Variants in KCNH1 observed in about 807,000 individuals in gnomAD.
The protein encoded by KCNH1 is potassium voltage-gated channel subfamily H member 1, also known as voltage-gated delayed rectifier potassium channel KCNH1.
In KCNH1, 27 loss-of-function variants were observed where a neutral mutation model predicts 69.2. The ratio of observed to expected loss-of-function variants is 0.39; its 90% CI spans 0.29 to 0.54. KCNH1 has a LOEUF of 0.54. KCNH1 is among the 20% of genes least tolerant of loss of function. The pLI is 0.68. For synonymous variants in KCNH1, 456 were observed against 487.7 expected (o/e 0.93, Z 0.86); for missense variants, 798 against 1,261.6 (o/e 0.63, Z 5.57).
chr1:210,898,189 G>C (rs1686912499), intron 7 of KCNH1, among the ~76,000 whole-genome samples: 1 of 152,152 alleles, frequency 6.6e-6, no homozygotes, highest in Admixed American at 6.5e-5. Flanking sequence ...GTCGTTTGTG[G>C]AGCTGACCTG....
chr1:210,691,354 C>T (rs767822611), intron 10 of KCNH1, among the ~76,000 whole-genome samples: 111 of 152,158 alleles, frequency 7.3e-4, no homozygotes, highest in Non-Finnish European at 1.4e-3. Context: ...ATGTGCCAGG[C>T]GCTGTGTTAA....
chr1:210,712,411 C>A (rs986970709), intron 10 of KCNH1, among the ~76,000 whole-genome samples: 1 of 152,148 alleles, frequency 6.6e-6, no homozygotes, highest in Non-Finnish European at 1.5e-5. Flanking sequence ...TCAGGGCTGG[C>A]AGGGAGAGTG....
intron 10 of KCNH1, among the ~76,000 whole-genome samples, chr1:210,695,460 CACTGTGTTCAAT>C (rs768763716): frequency 1.3e-5 from 2 of 152,202 alleles, no homozygotes; most frequent in Non-Finnish European, 2.9e-5. Flanking sequence ...AGTATATTTA[CACTGTGTTCAAT>C]TTTAGCACCT....
In KCNH1 at chr1:210,788,240, C is replaced by A. The variant is rs567954520; in HGVS notation, c.1915+9268G>T. 1.8e-4 allele frequency among the ~76,000 whole-genome samples: 28 copies of A among 152,270 alleles called. No individual in the cohort carries two copies. The South Asian group carries it at 2.1e-3, about 11-fold the overall frequency. On this transcript the variant is annotated intron_variant, in intron 9 of 10. Transcript: ENST00000271751. ...AATAAGTCTACTGTCCAGAAAACTT[C>A]AGTTAACATTTTGGTATACTTTCCA...
chr1:211,108,142 G>A (rs1053512933), intron 1 of KCNH1, among the ~76,000 whole-genome samples: 2 of 152,174 alleles, frequency 1.3e-5, no homozygotes, highest in Non-Finnish European at 2.9e-5. Flanking sequence ...CCAGCTTAGG[G>A]TATTCTCACT....
At chr1:211,064,451 C>T (rs536897282) in intron 5 of KCNH1, among the ~76,000 whole-genome samples, 5 of 152,174 alleles carry the variant, frequency 3.3e-5, no homozygotes, top group Non-Finnish European at 5.9e-5. Context: ...ATCCCAGCTA[C>T]TTGGGAGGCT....
intron 5 of KCNH1, among the ~76,000 whole-genome samples, chr1:211,024,919 T>A (rs1689658341): frequency 6.6e-6 from 1 of 152,098 alleles, no homozygotes; most frequent in Non-Finnish European, 1.5e-5. Flanking sequence ...GAGTCAACTC[T>A]AAGGTCCTAC....
At chr1:210,917,083 G>C (rs1687348228) in intron 7 of KCNH1, among the ~76,000 whole-genome samples, 1 of 151,812 alleles carries the variant, frequency 6.6e-6, no homozygotes, top group African/African-American at 2.4e-5. Context: ...AAGAAGCAGA[G>C]GTTGCAGTGA....
intron 6 of KCNH1, among the ~76,000 whole-genome samples, chr1:210,977,783 T>C (rs1688641694): frequency 6.6e-6 from 1 of 152,166 alleles, no homozygotes; most frequent in Non-Finnish European, 1.5e-5. Flanking sequence ...ATATTTTTAA[T>C]GGAAACATAA....
At chr1:210,934,146 C>A (rs1357896698) in intron 6 of KCNH1, among the ~76,000 whole-genome samples, 1 of 152,100 alleles carries the variant, frequency 6.6e-6, no homozygotes, top group Non-Finnish European at 1.5e-5. Flanking sequence ...ATGGGTAACT[C>A]CTCAAAAGTA....
rs576628915 is a variant in KCNH1 at position 210,821,354 on chromosome 1, T to C, written c.1463-17188A>G. On this transcript the variant is annotated intron_variant, in intron 7 of 10. Transcript: ENST00000271751. ...AACTTTCAGTTGGTATATTAATATT[T>C]TAAAATTCTCTGTAGAGAATCCACT... 2.0e-5 allele frequency among the ~76,000 whole-genome samples: 3 copies of C among 152,286 alleles called. No individual in the cohort carries two copies. The South Asian group carries it at 6.2e-4, about 32-fold the overall frequency.
At chr1:211,004,225 A>T (rs1031835176) in intron 6 of KCNH1, among the ~76,000 whole-genome samples, 1 of 152,226 alleles carries the variant, frequency 6.6e-6, no homozygotes, top group African/African-American at 2.4e-5. Context: ...TCACCAGCAG[A>T]CTAAATAAAT....
chr1:211,104,650 G>C (rs920555708), intron 2 of KCNH1, among the ~76,000 whole-genome samples: 3 of 152,102 alleles, frequency 2.0e-5, no homozygotes, highest in Non-Finnish European at 4.4e-5. Flanking sequence ...TTTCAATGGG[G>C]CTGGAATGTC....
At chr1:210,993,321 T>C (rs1688968128) in intron 6 of KCNH1, among the ~76,000 whole-genome samples, 2 of 152,222 alleles carry the variant, frequency 1.3e-5, no homozygotes, top group Admixed American at 6.5e-5. Flanking sequence ...AAGGAATGAT[T>C]CTTATGCACT....
At chr1:210,976,278 C>A (rs1381670288) in intron 6 of KCNH1, among the ~76,000 whole-genome samples, 1 of 150,994 alleles carries the variant, frequency 6.6e-6, no homozygotes, top group Non-Finnish European at 1.5e-5. Flanking sequence ...ATAAATCATG[C>A]TGCTATAAAG....
chr1:210,710,073 A>T (rs1270411392), intron 10 of KCNH1, among the ~76,000 whole-genome samples: 1 of 152,208 alleles, frequency 6.6e-6, no homozygotes, highest in East Asian at 1.9e-4. Context: ...GGGATGGCCC[A>T]CTATACTTCT....
intron 6 of KCNH1, among the ~76,000 whole-genome samples, chr1:211,001,713 A>G (rs1441515921): frequency 6.6e-6 from 1 of 152,182 alleles, no homozygotes; most frequent in African/African-American, 2.4e-5. Flanking sequence ...ACTCATGTAC[A>G]CGTATGTTTA....
chr1:210,900,730 A>G (rs530077688), intron 7 of KCNH1, among the ~76,000 whole-genome samples: 18 of 152,268 alleles, frequency 1.2e-4, no homozygotes, highest in Non-Finnish European at 2.2e-4. Flanking sequence ...GTGGCAGAAG[A>G]GCCACAATAA....
chr1:210,920,931 C>T (rs1312769821), intron 6 of KCNH1, among the ~76,000 whole-genome samples: 1 of 152,208 alleles, frequency 6.6e-6, no homozygotes, highest in African/African-American at 2.4e-5. Context: ...ATCCACTGAT[C>T]ACACCAGGCC....
Sources: gnomAD v4.1 joint callset for allele counts (sites outside exome capture counted in the v4.1 genomes callset) on GRCh38, gnomAD v4.1.1 for gene constraint, MANE v1.5 for transcripts, NCBI Gene and HGNC (gene_info 2026-07-23, HGNC 2026-07-21) for gene names.